CNTN4: variants seen among roughly 807,000 people sequenced by gnomAD.
CNTN4 encodes the protein contactin-4.
CNTN4 carries 77 observed loss-of-function variants against 122.5 expected under a neutral mutation model. The ratio of observed to expected loss-of-function variants is 0.63; its 90% CI spans 0.52 to 0.76. CNTN4 has a LOEUF of 0.76. Among genes scored for constraint, CNTN4 ranks in the 30% least tolerant of loss-of-function variants. The pLI is 0.00. For missense variants in CNTN4, 1,256 were observed against 1,259.1 expected (o/e 1.00, Z 0.04); for synonymous variants, 512 against 447.0 (o/e 1.15, Z -1.83).
intron 3 of CNTN4, among the ~76,000 whole-genome samples, chr3:2,408,220 A>G (rs2047108017): frequency 6.6e-6 from 1 of 152,148 alleles, no homozygotes; most frequent in Admixed American, 6.5e-5. Flanking sequence ...ATATCCCTGG[A>G]GACCAATTAC....
intron 3 of CNTN4, among the ~76,000 whole-genome samples, chr3:2,524,349 A>C (rs1409400807): frequency 1.3e-5 from 2 of 152,078 alleles, no homozygotes; most frequent in Non-Finnish European, 2.9e-5. Context: ...ATATTTCATC[A>C]TTTTAGATAT....
chr3:2,769,313 CAATT>C (rs908896815), intron 6 of CNTN4, among the ~76,000 whole-genome samples: 3 of 151,696 alleles, frequency 2.0e-5, no homozygotes, highest in African/African-American at 4.8e-5. Flanking sequence ...AATACAAAAA[CAATT>C]AGTCGGGCGT....
intron 4 of CNTN4, among the ~76,000 whole-genome samples, chr3:2,674,776 A>C (rs969205720): frequency 6.1e-5 from 8 of 130,192 alleles, no homozygotes; most frequent in Admixed American, 2.4e-4. Flanking sequence ...AACAAACAAA[A>C]AAACAAAAAA....
intron 3 of CNTN4, among the ~76,000 whole-genome samples, chr3:2,516,595 G>A (rs1351008130): frequency 6.6e-6 from 1 of 152,018 alleles, no homozygotes; most frequent in South Asian, 2.1e-4. Context: ...ATGACTCTAG[G>A]GCTTGTACAT....
chr3:2,933,073 CGG>C (rs534119263), intron 13 of CNTN4, among the ~76,000 whole-genome samples: 179 of 152,204 alleles, frequency 1.2e-3, no homozygotes, highest in Non-Finnish European at 1.9e-3. Context: ...CCGCCCGCCT[CGG>C]CCTCCCAAAG....
intron 10 of CNTN4, among the ~76,000 whole-genome samples, chr3:2,888,689 T>A (rs570599861): frequency 6.6e-6 from 1 of 152,090 alleles, no homozygotes; most frequent in African/African-American, 2.4e-5. Context: ...AATTCATGGC[T>A]TCTGTGTATG....
intron 14 of CNTN4, among the ~76,000 whole-genome samples, chr3:2,995,770 GGTAC>G (rs1423212783): frequency 3.3e-5 from 5 of 152,116 alleles, no homozygotes; most frequent in Non-Finnish European, 7.3e-5. Flanking sequence ...TGAGGAAAAT[GGTAC>G]TCACACACTC....
At chr3:2,876,009 G>T (rs895183671) in intron 8 of CNTN4, among the ~76,000 whole-genome samples, 1 of 152,190 alleles carries the variant, frequency 6.6e-6, no homozygotes, top group Non-Finnish European at 1.5e-5. Context: ...CTTGAAAAAG[G>T]TTATCTCTGC....
chr3:2,401,822 G>A (rs937223462), intron 3 of CNTN4, among the ~76,000 whole-genome samples: 2 of 152,130 alleles, frequency 1.3e-5, no homozygotes, highest in Admixed American at 6.6e-5. Context: ...TTTGTTCACC[G>A]CAGTGCATTG....
intron 6 of CNTN4, among the ~76,000 whole-genome samples, chr3:2,795,193 A>C (rs2092132416): frequency 6.6e-6 from 1 of 152,226 alleles, no homozygotes; most frequent in African/African-American, 2.4e-5. Flanking sequence ...CGAAAAAGTT[A>C]CTGTTTTGAA....
At chr3:3,000,862 TAG>T (rs1280656132) in intron 14 of CNTN4, among the ~76,000 whole-genome samples, 3 of 150,774 alleles carry the variant, frequency 2.0e-5, no homozygotes, top group African/African-American at 7.4e-5. Flanking sequence ...TTTCTTACTG[TAG>T]AGTCTTTCTT....
At chr3:2,600,559 C>A (rs2080995219) in intron 4 of CNTN4, among the ~76,000 whole-genome samples, 1 of 152,156 alleles carries the variant, frequency 6.6e-6, no homozygotes, top group South Asian at 2.1e-4. Flanking sequence ...CATAGTATTC[C>A]ATGGTGTCTA....
At position 2,100,613 on chromosome 3, in the gene CNTN4, G is replaced by C. The variant is rs1248106649; in HGVS notation, c.-171G>C. 6.6e-6 allele frequency: 1 copy of C among 152,122 alleles called. No homozygotes were observed. The highest frequency in any genetic ancestry group is 1.5e-5 in the Non-Finnish European group (1 of 68,036). 9.4% of individuals were successfully genotyped at this position (152,122 alleles called of 1,614,324 possible). On this transcript the variant is annotated 5_prime_UTR_variant, in exon 2 of 25. Transcript: ENST00000418658. ...CAGGCACCTGGAGGTGATTTGGGTG[G>C]CATTCATGAGAAAATTCACGTTACC...
chr3:2,507,751 GA>G (rs2076773144), intron 3 of CNTN4, among the ~76,000 whole-genome samples: 1 of 132,914 alleles, frequency 7.5e-6, no homozygotes, highest in Admixed American at 7.6e-5. Flanking sequence ...AAAAAAAAAA[GA>G]AAGAAAGAAA....
intron 8 of CNTN4, among the ~76,000 whole-genome samples, chr3:2,875,037 C>T (rs2093827589): frequency 6.6e-6 from 1 of 152,112 alleles, no homozygotes; most frequent in Non-Finnish European, 1.5e-5. Flanking sequence ...GGCTGGAATG[C>T]AGTGGTGCGA....
intron 2 of CNTN4, among the ~76,000 whole-genome samples, chr3:2,112,737 A>G (rs1198680117): frequency 1.3e-5 from 2 of 152,196 alleles, no homozygotes; most frequent in East Asian, 1.9e-4. Flanking sequence ...AACACATACA[A>G]TGAGAATTTA....
At chr3:2,632,379 A>G (rs905929282) in intron 4 of CNTN4, among the ~76,000 whole-genome samples, 1 of 152,192 alleles carries the variant, frequency 6.6e-6, no homozygotes, top group African/African-American at 2.4e-5. Context: ...CTGGAAAAAT[A>G]TGGCTGTTTT....
At chr3:2,170,181 C>T (rs539418167) in intron 2 of CNTN4, among the ~76,000 whole-genome samples, 177 of 138,126 alleles carry the variant, frequency 1.3e-3, no homozygotes, top group Non-Finnish European at 2.1e-3. Flanking sequence ...ATTAGCCGGG[C>T]GTGGTGGCGG....
At chr3:2,311,446 A>G (rs1456590885) in intron 2 of CNTN4, among the ~76,000 whole-genome samples, 1 of 152,116 alleles carries the variant, frequency 6.6e-6, no homozygotes, top group East Asian at 1.9e-4. Flanking sequence ...CCTTCCACTG[A>G]TACTGGAACT....
Sources: allele counts gnomAD v4.1 joint callset (sites outside exome capture counted in the v4.1 genomes callset), GRCh38; gene constraint gnomAD v4.1.1; transcripts MANE v1.5; gene names NCBI Gene and HGNC (gene_info 2026-07-23, HGNC 2026-07-21).